The following CNOT10 variants were observed in gnomAD, a reference collection of about 807,000 sequenced individuals.
The protein encoded by CNOT10 is CCR4-NOT transcription complex, subunit 10.
In CNOT10, 30 loss-of-function variants were observed where a neutral mutation model predicts 94.6. The observed-to-expected ratio is 0.32, with a 90% CI of 0.24 to 0.43. The LOEUF is 0.43. Ranked by LOEUF, CNOT10 falls within the 20% of genes least tolerant of loss-of-function variation. The pLI, the probability that CNOT10 is intolerant of heterozygous loss-of-function variation, is 1.00. For missense variants in CNOT10, 759 were observed against 877.2 expected, an observed-to-expected ratio of 0.87 and a Z score of 1.70; for synonymous variants, 289 against 301.6, an observed-to-expected ratio of 0.96 and a Z score of 0.43.
At chr3:32,721,546 AT>A (rs976567642) in intron 8 of CNOT10, among the ~76,000 whole-genome samples, 1 of 144,836 alleles carries the variant, frequency 6.9e-6, no homozygotes, top group African/African-American at 2.6e-5. Flanking sequence ...TAATAATATA[AT>A]TTTTTTCAGT....
At chr3:32,762,885 C>A in intron 15 of CNOT10, 22 bp downstream of exon 15, 1 of 1,488,398 alleles carries the variant, frequency 6.7e-7, no homozygotes, top group Non-Finnish European at 8.9e-7. Flanking sequence ...CATCTTTGAT[C>A]AGAACTGGTC....
intron 6 of CNOT10, 37 bp from the exon 7 acceptor site, chr3:32,717,117 C>T (rs1698158877): frequency 1.7e-6 from 2 of 1,207,824 alleles, no homozygotes; most frequent in Admixed American, 2.1e-5. Context: ...TGTAAATCCA[C>T]CATAGTTTTA....
chr3:32,712,900 T>C (rs1425289617), intron 4 of CNOT10, among the ~76,000 whole-genome samples: 1 of 152,198 alleles, frequency 6.6e-6, no homozygotes, highest in Admixed American at 6.5e-5. Context: ...CATTTCAGGT[T>C]AGGAATGCAC....
chr3:32,704,620 G>C (rs577817695), intron 2 of CNOT10, among the ~76,000 whole-genome samples, 191 bp from the exon 3 acceptor site: 1 of 152,138 alleles, frequency 6.6e-6, no homozygotes, highest in East Asian at 1.9e-4. Flanking sequence ...TTGAGTCTTA[G>C]GAAGTAAATA....
chr3:32,756,258 C>A (rs1193515844), intron 13 of CNOT10, among the ~76,000 whole-genome samples: 1 of 151,838 alleles, frequency 6.6e-6, no homozygotes, highest in Non-Finnish European at 1.5e-5. Flanking sequence ...GAATGTCAGC[C>A]CTAAAGTTTC....
At chr3:32,737,654 C>G (rs1398963565) in intron 13 of CNOT10, among the ~76,000 whole-genome samples, 164 bp downstream of exon 13, 1 of 151,792 alleles carries the variant, frequency 6.6e-6, no homozygotes, top group Non-Finnish European at 1.5e-5. Flanking sequence ...GAAACCCTGT[C>G]TGTACTAAAA....
At chr3:32,714,660 G>T (rs1180344057) in intron 5 of CNOT10, among the ~76,000 whole-genome samples, 3 of 152,160 alleles carry the variant, frequency 2.0e-5, no homozygotes, top group Non-Finnish European at 4.4e-5. Context: ...AGTGAGCCAA[G>T]ATTACGCCAC....
chr3:32,733,639 A>G (rs1699052500), intron 11 of CNOT10, 95 bp downstream of exon 11: 3 of 828,994 alleles, frequency 3.6e-6, no homozygotes, highest in Non-Finnish European at 5.2e-6. Flanking sequence ...TTATCATTGC[A>G]TAGGAGGAAC....
intron 13 of CNOT10, among the ~76,000 whole-genome samples, chr3:32,737,994 G>C (rs543261604): frequency 6.6e-6 from 1 of 152,066 alleles, no homozygotes. Flanking sequence ...TTCTATATCC[G>C]TGAGGAAGAT....
At chr3:32,698,211 C>T (rs1697168542) in intron 1 of CNOT10, among the ~76,000 whole-genome samples, 1 of 152,214 alleles carries the variant, frequency 6.6e-6, no homozygotes, top group African/African-American at 2.4e-5. Flanking sequence ...ATTCACTTAA[C>T]TCTTAGCTTT....
rs1437764846 is a variant in CNOT10 at position 32,696,344 on chromosome 3, TG to T, written c.23-7520del. On this transcript the variant is annotated intron_variant, in intron 1 of 18. Coordinates refer to ENST00000328834, the MANE Select transcript of CNOT10 (RefSeq NM_015442.3). Reference sequence around the variant, plus strand: ...AAAAAAAAAGAAGAAGAAGAAGAAATGGGGTCTCACTGATTGCTCAGGCTGG... The same window carrying T: ...AAAAAAAAAGAAGAAGAAGAAGAAATGGGTCTCACTGATTGCTCAGGCTGG... 2.7e-5 allele frequency among the ~76,000 whole-genome samples: 4 copies of T among 148,962 alleles called. No individual in the cohort carries two copies. In the East Asian group the frequency reaches 7.9e-4, roughly 29 times the overall value.
intron 4 of CNOT10, 83 bp downstream of exon 4, chr3:32,708,903 ATCCGAGAAG>A: frequency 9.0e-7 from 1 of 1,115,704 alleles, no homozygotes; most frequent in Non-Finnish European, 1.3e-6. Flanking sequence ...GATAACCTAA[ATCCGAGAAG>A]TCCATGCCAG....
chr3:32,745,413 T>C (rs1699647930), intron 13 of CNOT10, among the ~76,000 whole-genome samples: 1 of 152,148 alleles, frequency 6.6e-6, no homozygotes. Flanking sequence ...AGAAATTTGC[T>C]TCAGTTTCTG....
rs963859878 is a variant in CNOT10 at position 32,700,455 on chromosome 3, C to T, written c.23-3413C>T. On this transcript the variant is annotated intron_variant, in intron 1 of 18. Coordinates refer to ENST00000328834, the MANE Select transcript of CNOT10 (RefSeq NM_015442.3). ...TTAAAGTTTTAGTCTTATTTCAATT[C>T]TAAAAATTGTCTGTACGTCACTGTG... 3.3e-5 allele frequency among the ~76,000 whole-genome samples: 5 copies of T among 152,280 alleles called. No individual in the cohort carries two copies. In the South Asian group the frequency reaches 1.0e-3, roughly 32 times the overall value.
intron 5 of CNOT10, among the ~76,000 whole-genome samples, chr3:32,715,387 A>G (rs1194559689): frequency 6.6e-6 from 1 of 152,218 alleles, no homozygotes; most frequent in Admixed American, 6.5e-5. Context: ...TATGAGCTTA[A>G]TGGTGTGCTG....
chr3:32,739,556 G>T (rs1372035687), intron 13 of CNOT10, among the ~76,000 whole-genome samples: 1 of 151,944 alleles, frequency 6.6e-6, no homozygotes, highest in Non-Finnish European at 1.5e-5. Context: ...AGAGACGATT[G>T]TAGATTCACA....
In CNOT10 at chr3:32,727,765, G is replaced by T. The variant is rs1575250002; in HGVS notation, c.1110G>T (p.Arg370Ser). ...NCGIQLLHIGRPLAAFECLIE... is the reference protein window; with the variant it reads ...NCGIQLLHIGSPLAAFECLIE... ...GAATTCAGCTTCTTCACATTGGAAG[G>T]CCTCTTGCTGCCTTCGAATGTCTGA... The change falls in exon 10 of 19, where the codon AGG becomes AGT. Residue 370 changes from arginine (R) to serine (S), a missense_variant. Coordinates refer to ENST00000328834, the MANE Select transcript of CNOT10 (RefSeq NM_015442.3). 2 of 1,613,834 alleles carry T rather than the reference G, an allele frequency of 1.2e-6. No individual in the cohort carries two copies. The highest frequency in any genetic ancestry group is 4.5e-5 in the East Asian group (2 of 44,874).
At chr3:32,700,978 A>G (rs554079267) in intron 1 of CNOT10, among the ~76,000 whole-genome samples, 1 of 152,334 alleles carries the variant, frequency 6.6e-6, no homozygotes, top group East Asian at 1.9e-4. Flanking sequence ...AAAACTTAAC[A>G]TTAAAAATGA....
At chr3:32,762,915 T>C (rs1700512316) in intron 15 of CNOT10, 52 bp downstream of exon 15, 1 of 1,455,072 alleles carries the variant, frequency 6.9e-7, no homozygotes. Context: ...ATTTCCCTCC[T>C]GTCATAATTC....
Sources: gnomAD v4.1 joint callset for allele counts (sites outside exome capture counted in the v4.1 genomes callset) on GRCh38, gnomAD v4.1.1 for gene constraint, MANE v1.5 for transcripts, NCBI Gene and HGNC (gene_info 2026-07-23, HGNC 2026-07-21) for gene names.